The following ELAVL2 variants were observed in gnomAD, a reference collection of about 807,000 sequenced individuals.
The protein encoded by ELAVL2 is ELAV like RNA binding protein 2.
Under a neutral mutation model 34.6 loss-of-function variants are expected in ELAVL2, and 4 were observed. That is an observed-to-expected ratio of 0.12 (90% CI 0.06 to 0.26). ELAVL2 has a LOEUF of 0.26. ELAVL2 is among the 10% of genes least tolerant of loss of function. The pLI is 1.00. For missense variants in ELAVL2, 432 were observed against 442.8 expected (o/e 0.98, Z 0.22); for synonymous variants, 193 against 154.8 (o/e 1.25, Z -1.83).
intron 1 of ELAVL2, among the ~76,000 whole-genome samples, chr9:23,802,972 G>C (rs989505357): frequency 2.6e-5 from 4 of 151,926 alleles, no homozygotes; most frequent in African/African-American, 7.3e-5. Context: ...ACAAACAAAA[G>C]GTCCTGGGGT....
chr9:23,726,182 T>C (rs779001677), intron 3 of ELAVL2, among the ~76,000 whole-genome samples: 2 of 152,092 alleles, frequency 1.3e-5, no homozygotes, highest in Non-Finnish European at 2.9e-5. Context: ...TAGCTTAGAA[T>C]ACAGGTTTCT....
chr9:23,776,397 T>C (rs2058193937), intron 1 of ELAVL2, among the ~76,000 whole-genome samples: 1 of 152,126 alleles, frequency 6.6e-6, no homozygotes, highest in Non-Finnish European at 1.5e-5. Context: ...GCCAATCTCA[T>C]CACCAATGTG....
intron 3 of ELAVL2, 104 bp downstream of exon 3, chr9:23,730,918 C>G: frequency 1.9e-6 from 2 of 1,042,744 alleles, no homozygotes; most frequent in Non-Finnish European, 2.7e-6. Context: ...TCCCAGGTAA[C>G]TGTTTATATG....
chr9:23,763,380 T>G (rs914753550), intron 1 of ELAVL2, among the ~76,000 whole-genome samples: 1 of 152,086 alleles, frequency 6.6e-6, no homozygotes, highest in Non-Finnish European at 1.5e-5. Context: ...CTACCTATCT[T>G]TGGACAGCCA....
upstream of ELAVL2, among the ~76,000 whole-genome samples, chr9:23,827,982 A>C (rs893345593): frequency 6.6e-5 from 10 of 152,174 alleles, no homozygotes; most frequent in African/African-American, 2.4e-4. Flanking sequence ...GTTTTTGTAT[A>C]ACAACCTCTG....
chr9:23,769,885 C>T (rs2056989116), intron 1 of ELAVL2, among the ~76,000 whole-genome samples: 1 of 152,170 alleles, frequency 6.6e-6, no homozygotes, highest in African/African-American at 2.4e-5. Context: ...TCAGAGCTGG[C>T]AGGTTCAAAA....
At chr9:23,805,054 G>C (rs2062039509) in intron 1 of ELAVL2, among the ~76,000 whole-genome samples, 1 of 152,120 alleles carries the variant, frequency 6.6e-6, no homozygotes, top group Non-Finnish European at 1.5e-5. Context: ...GCAACACTGG[G>C]AACATAAATG....
rs559090451 is a variant in ELAVL2, at chr9:23,714,498, C to G, written c.334-9427G>C. On this transcript the variant is annotated intron_variant, in intron 3 of 6. Coordinates refer to ENST00000397312, the MANE Select transcript of ELAVL2 (RefSeq NM_004432.5). ...AGGAAGGAGCTGTCTTACTGACATA[C>G]AGAGAGCAAACATTCAACATCTATA... is the stretch of plus-strand genomic sequence containing the variant. Among the ~76,000 whole-genome samples the G allele has an allele frequency of 2.6e-5, 4 of 152,318 alleles. No individual in the cohort carries two copies. In the South Asian group the frequency reaches 8.3e-4, roughly 32 times the overall value.
At chr9:23,724,204 C>A (rs1436220421) in intron 3 of ELAVL2, among the ~76,000 whole-genome samples, 2 of 152,152 alleles carry the variant, frequency 1.3e-5, no homozygotes, top group Non-Finnish European at 2.9e-5. Context: ...GACTCTTCTA[C>A]CATCACTATC....
intron 1 of ELAVL2, among the ~76,000 whole-genome samples, chr9:23,772,772 T>C (rs764244190): frequency 5.3e-5 from 8 of 152,184 alleles, no homozygotes; most frequent in Non-Finnish European, 1.0e-4. Flanking sequence ...ACCTATGAAA[T>C]GTGTTTTTCT....
chr9:23,840,623 A>G, the ELAVL2 span, among the ~76,000 whole-genome samples: 38 of 152,186 alleles, frequency 2.5e-4, no homozygotes, highest in African/African-American at 7.7e-4. Context: ...TTTTACTTAC[A>G]TTCATATTGC....
chr9:23,750,268 T>C (rs2051596272), intron 2 of ELAVL2, among the ~76,000 whole-genome samples: 3 of 152,086 alleles, frequency 2.0e-5, no homozygotes, highest in South Asian at 2.1e-4. Flanking sequence ...TATAATGGAA[T>C]GTTATCACGC....
intron 1 of ELAVL2, among the ~76,000 whole-genome samples, chr9:23,788,624 C>A (rs1257859999): frequency 6.6e-6 from 1 of 152,162 alleles, no homozygotes; most frequent in Non-Finnish European, 1.5e-5. Flanking sequence ...AGAACTTTCA[C>A]CTTTTTACTT....
intron 1 of ELAVL2, among the ~76,000 whole-genome samples, chr9:23,770,682 A>ATGC (rs1554728553): frequency 2.0e-5 from 3 of 152,212 alleles, no homozygotes; most frequent in African/African-American, 7.2e-5. Context: ...ATCTCTCATA[A>ATGC]AGACTCTGGG....
chr9:23,807,949 A>G (rs568113946), intron 1 of ELAVL2, among the ~76,000 whole-genome samples: 1 of 152,294 alleles, frequency 6.6e-6, no homozygotes, highest in Admixed American at 6.5e-5. Context: ...AAAAGTTGCC[A>G]AATTACGTTG....
At chr9:23,715,076 T>TTA (rs2133839803) in intron 3 of ELAVL2, among the ~76,000 whole-genome samples, 1 of 152,280 alleles carries the variant, frequency 6.6e-6, no homozygotes, top group South Asian at 2.1e-4. Flanking sequence ...AAACTAAGTC[T>TTA]TATATGATGC....
In ELAVL2 at chr9:23,739,803, A is replaced by AC. The variant is rs200043373; in HGVS notation, c.230-8679dup. Among the ~76,000 whole-genome samples the AC allele has an allele frequency of 3.1e-3, 472 of 150,446 alleles. 1 individual carries two copies. Among genetic ancestry groups the AC allele is most frequent in the South Asian group, 6.6e-3 (31 of 4,716 alleles). On this transcript the variant is annotated intron_variant, in intron 2 of 6. Transcript: ENST00000397312. Reference sequence around the variant, plus strand: ...TGTGCCTGCACACACACACGCACACACCCCCCCCACTAAGCAGTCCATCAA... The same window carrying AC: ...TGTGCCTGCACACACACACGCACACACCCCCCCCCACTAAGCAGTCCATCAA...
chr9:23,801,186 T>C (rs1411774500), intron 1 of ELAVL2, among the ~76,000 whole-genome samples: 1 of 152,164 alleles, frequency 6.6e-6, no homozygotes. Flanking sequence ...TACTGAAGTA[T>C]GAAATAAATA....
the ELAVL2 span, among the ~76,000 whole-genome samples, chr9:23,840,014 C>A: frequency 2.0e-5 from 3 of 152,054 alleles, no homozygotes; most frequent in Non-Finnish European, 4.4e-5. Context: ...ATTAAAAAGG[C>A]CTTTCAAGTT....
Sources: allele counts gnomAD v4.1 joint callset (sites outside exome capture counted in the v4.1 genomes callset), GRCh38; gene constraint gnomAD v4.1.1; transcripts MANE v1.5; gene names NCBI Gene and HGNC (gene_info 2026-07-23, HGNC 2026-07-21).